Variants in WWC2 observed in about 807,000 individuals in gnomAD.
The protein encoded by WWC2 is WW and C2 domain containing 2.
A neutral mutation model predicts 138.5 loss-of-function variants in WWC2; 101 were observed. The observed-to-expected ratio is 0.73, with a 90% CI of 0.62 to 0.86. The LOEUF (loss-of-function observed/expected upper bound fraction) is 0.86, where lower values mean the gene tolerates loss of function less well. Ranked by LOEUF, WWC2 falls within the 40% of genes least tolerant of loss-of-function variation. The pLI is 0.00. For missense variants in WWC2, 1,420 were observed against 1,419.4 expected (o/e 1.00, Z -0.01); for synonymous variants, 558 against 538.4 (o/e 1.04, Z -0.50).
intron 14 of WWC2, among the ~76,000 whole-genome samples, chr4:183,268,204 G>A (rs1737570069): frequency 6.6e-6 from 1 of 152,222 alleles, no homozygotes; most frequent in South Asian, 2.1e-4. Flanking sequence ...AATGGGGGTG[G>A]AGGGGATAGA....
intron 1 of WWC2, among the ~76,000 whole-genome samples, chr4:183,136,601 G>A (rs919394091): frequency 1.3e-5 from 2 of 152,122 alleles, no homozygotes; most frequent in Non-Finnish European, 2.9e-5. Flanking sequence ...AGGCAGTTTC[G>A]TCATTGTGTG....
In WWC2 at chr4:183,250,288, C is replaced by G. The variant is rs998701659; in HGVS notation, c.953+295C>G. ...CTTTGAGTTGGTACAATACTTAACTCTCAATTAAAAGTGAGAAGATTGGTT... is the reference window on the plus strand; with the variant it reads ...CTTTGAGTTGGTACAATACTTAACTGTCAATTAAAAGTGAGAAGATTGGTT... On this transcript the variant is annotated intron_variant, in intron 8 of 22. Transcript: ENST00000403733. Among the ~76,000 whole-genome samples, 8 of 151,780 alleles carry G rather than the reference C, an allele frequency of 5.3e-5. No individual in the cohort carries two copies. The South Asian group carries it at 1.7e-3, about 32-fold the overall frequency.
At chr4:183,144,039 A>G (rs574589481) in intron 1 of WWC2, among the ~76,000 whole-genome samples, 20 of 152,358 alleles carry the variant, frequency 1.3e-4, no homozygotes, top group African/African-American at 3.4e-4. Context: ...ATACAGAGAA[A>G]TAAAGAAGGA....
chr4:183,238,535 C>G (rs1437058108), intron 4 of WWC2, among the ~76,000 whole-genome samples: 1 of 152,128 alleles, frequency 6.6e-6, no homozygotes, highest in East Asian at 1.9e-4. Context: ...CCAGTTCCAT[C>G]TTTTGACACC....
At chr4:183,122,623 G>A (rs562042617) in intron 1 of WWC2, among the ~76,000 whole-genome samples, 61 of 152,186 alleles carry the variant, frequency 4.0e-4, no homozygotes, top group East Asian at 3.7e-3. Flanking sequence ...AGGCTCAAGC[G>A]ATTCTCGTGC....
intron 1 of WWC2, among the ~76,000 whole-genome samples, chr4:183,164,375 AC>A (rs1316212947): frequency 9.3e-3 from 6 of 648 alleles, no homozygotes; most frequent in African/African-American, 0.024. Context: ...TATTATATAT[AC>A]ATATATATAT....
intron 5 of WWC2, among the ~76,000 whole-genome samples, chr4:183,242,662 G>T (rs1207987951): frequency 6.6e-6 from 1 of 152,132 alleles, no homozygotes. Context: ...GGTTCTCAAG[G>T]TATACACTTT....
chr4:183,169,218 T>G (rs904656279), intron 1 of WWC2, among the ~76,000 whole-genome samples: 3 of 152,232 alleles, frequency 2.0e-5, no homozygotes, highest in Admixed American at 2.0e-4. Context: ...ATCAGTTAGG[T>G]ATAAACTTAC....
chr4:183,289,404 G>C lies in WWC2; in HGVS notation c.3153G>C (p.Gln1051His). The change falls in exon 21 of 23, where the codon CAG becomes CAC. Residue 1051 changes from glutamine (Q) to histidine (H), a missense_variant. By Grantham distance (24) the Gln-to-His change is conservative. Coordinates refer to ENST00000403733, the MANE Select transcript of WWC2 (RefSeq NM_024949.6). ...RSLRVKRTVC[Q>H]SVLRRTTQEC... Reference sequence around the variant, plus strand: ...TTCTAACTATCCAGACGGTTTGCCAGTCAGTCCTTAGAAGAACAACACAGG... The same window carrying C: ...TTCTAACTATCCAGACGGTTTGCCACTCAGTCCTTAGAAGAACAACACAGG... The C allele has an allele frequency of 1.9e-6, 3 of 1,611,468 alleles. No individual in the cohort carries two copies. Among genetic ancestry groups the C allele is most frequent in the Non-Finnish European group, 2.5e-6 (3 of 1,178,736 alleles).
chr4:183,119,807 TTA>T (rs1374684906), intron 1 of WWC2, among the ~76,000 whole-genome samples: 1 of 152,164 alleles, frequency 6.6e-6, no homozygotes, highest in Non-Finnish European at 1.5e-5. Context: ...GGGAAGTTTT[TTA>T]TGTGTAAATC....
At chr4:183,230,686 A>G (rs74816872) in intron 4 of WWC2, among the ~76,000 whole-genome samples, 4,525 of 152,316 alleles carry the variant, frequency 0.03, 219 homozygotes, top group African/African-American at 0.1. Context: ...GTCTAAAAAA[A>G]AAAAAGTAAT....
chr4:183,212,846 G>T (rs1040319720), intron 4 of WWC2, among the ~76,000 whole-genome samples: 1 of 152,090 alleles, frequency 6.6e-6, no homozygotes, highest in Non-Finnish European at 1.5e-5. Flanking sequence ...CTTAGATTAA[G>T]CTTCTTCTAT....
At chr4:183,276,886 C>T (rs2111393110) in intron 16 of WWC2, among the ~76,000 whole-genome samples, 1 of 152,076 alleles carries the variant, frequency 6.6e-6, no homozygotes, top group East Asian at 1.9e-4. Flanking sequence ...ATTAAAAATA[C>T]CATTTTATTG....
chr4:183,308,946 T>C (rs1163322456), intron 21 of WWC2, among the ~76,000 whole-genome samples: 1 of 152,180 alleles, frequency 6.6e-6, no homozygotes, highest in Non-Finnish European at 1.5e-5. Context: ...TCAACTGACC[T>C]TTGACAGAGG....
At chr4:183,147,247 T>A (rs1002626629) in intron 1 of WWC2, among the ~76,000 whole-genome samples, 4 of 152,252 alleles carry the variant, frequency 2.6e-5, no homozygotes, top group Non-Finnish European at 2.9e-5. Context: ...TAGCATCATT[T>A]ACTTCTCACA....
chr4:183,247,977 T>A (rs1299393802), intron 6 of WWC2, among the ~76,000 whole-genome samples: 1 of 151,820 alleles, frequency 6.6e-6, no homozygotes, highest in Admixed American at 6.6e-5. Context: ...AGGGTTTCCT[T>A]TTTATTGTTT....
intron 1 of WWC2, among the ~76,000 whole-genome samples, chr4:183,187,554 A>AAATAATAATAATAAT (rs371158154): frequency 0.091 from 11,553 of 127,418 alleles, 689 homozygotes; most frequent in African/African-American, 0.14. Flanking sequence ...CTCCGTCTCA[A>AAATAATAATAATAAT]AATAATAATA....
At chr4:183,217,647 A>G (rs953691488) in intron 4 of WWC2, among the ~76,000 whole-genome samples, 1 of 152,162 alleles carries the variant, frequency 6.6e-6, no homozygotes, top group Non-Finnish European at 1.5e-5. Context: ...TAAAATAACT[A>G]TATGGGAGTA....
chr4:183,113,525 T>TGC (rs1561420332), intron 1 of WWC2, among the ~76,000 whole-genome samples: 3 of 135,382 alleles, frequency 2.2e-5, no homozygotes, highest in African/African-American at 5.9e-5. Flanking sequence ...TGCGCGCGCG[T>TGC]GCGCGCGCAC....
Sources: allele counts gnomAD v4.1 joint callset (sites outside exome capture counted in the v4.1 genomes callset), GRCh38; gene constraint gnomAD v4.1.1; transcripts MANE v1.5; gene names NCBI Gene and HGNC (gene_info 2026-07-23, HGNC 2026-07-21).